The following CHRNA7 variants were observed in gnomAD, a reference collection of about 807,000 sequenced individuals.
CHRNA7 encodes the protein cholinergic receptor nicotinic alpha 7 subunit, also known as neuronal acetylcholine receptor subunit alpha-7.
CHRNA7 carries 17 observed loss-of-function variants against 48.0 expected under a neutral mutation model. The observed-to-expected ratio is 0.35, with a 90% CI of 0.24 to 0.53. The LOEUF is 0.53. CHRNA7 is among the 20% of genes least tolerant of loss of function. The pLI, the probability that CHRNA7 is intolerant of heterozygous loss-of-function variation, is 0.92. For missense variants in CHRNA7, 155 were observed against 577.7 expected, an observed-to-expected ratio of 0.27 and a Z score of 7.50; for synonymous variants, 75 against 242.3, an observed-to-expected ratio of 0.31 and a Z score of 6.41.
At chr15:32,108,431 G>T (rs1247700263) in intron 3 of CHRNA7, among the ~76,000 whole-genome samples, 3 of 152,256 alleles carry the variant, frequency 2.0e-5, no homozygotes, top group Non-Finnish European at 4.4e-5. Context: ...GTCAGGTGCT[G>T]TCTACAAAGA....
At chr15:32,072,272 G>A (rs761863461) in intron 2 of CHRNA7, among the ~76,000 whole-genome samples, 1 of 152,216 alleles carries the variant, frequency 6.6e-6, no homozygotes, top group Non-Finnish European at 1.5e-5. Flanking sequence ...AAGCAGCAAA[G>A]CATTTAAGAG....
intron 2 of CHRNA7, among the ~76,000 whole-genome samples, chr15:32,048,038 A>G (rs1258251906): frequency 2.6e-5 from 4 of 152,146 alleles, no homozygotes; most frequent in Non-Finnish European, 5.9e-5. Flanking sequence ...ATCATGGTGG[A>G]TAAGCTTTTT....
chr15:32,063,194 C>A (rs978772474), intron 2 of CHRNA7, among the ~76,000 whole-genome samples: 1 of 151,816 alleles, frequency 6.6e-6, no homozygotes, highest in African/African-American at 2.4e-5. Context: ...CTGTGTGCTA[C>A]TGTAGACTTC....
At chr15:32,137,037 A>AAAATAAAAAT (rs1555386629) in intron 4 of CHRNA7, among the ~76,000 whole-genome samples, 37 of 146,668 alleles carry the variant, frequency 2.5e-4, no homozygotes, top group African/African-American at 9.6e-4. Context: ...GTCTCAAAAA[A>AAAATAAAAAT]AAAAAAAAAG....
At chr15:32,036,607 G>A (rs964017095) in intron 2 of CHRNA7, among the ~76,000 whole-genome samples, 1 of 152,078 alleles carries the variant, frequency 6.6e-6, no homozygotes, top group Non-Finnish European at 1.5e-5. Context: ...TGTTGTCAGT[G>A]TTCTAAGTTT....
chr15:32,142,701 T>C (rs984366747), intron 4 of CHRNA7, among the ~76,000 whole-genome samples: 1 of 152,224 alleles, frequency 6.6e-6, no homozygotes, highest in Admixed American at 6.5e-5. Context: ...CTAGTTTATT[T>C]GTATAGAGGT....
At chr15:32,113,279 C>T (rs896155974) in intron 4 of CHRNA7, among the ~76,000 whole-genome samples, 1 of 152,174 alleles carries the variant, frequency 6.6e-6, no homozygotes, top group Non-Finnish European at 1.5e-5. Flanking sequence ...GCCCTAGTCT[C>T]CTCTTCCTGT....
chr15:32,071,929 A>G (rs2050064929), intron 2 of CHRNA7, among the ~76,000 whole-genome samples: 1 of 152,196 alleles, frequency 6.6e-6, no homozygotes, highest in Non-Finnish European at 1.5e-5. Flanking sequence ...GTTGCTATAA[A>G]AGATACTTGA....
At chr15:32,111,939 T>A in intron 4 of CHRNA7, 40 bp downstream of exon 4, 1 of 1,110,574 alleles carries the variant, frequency 9.0e-7, no homozygotes, top group Non-Finnish European at 1.4e-6. Flanking sequence ...ATTTTATGCT[T>A]GCATACATGT....
At chr15:32,104,554 C>A (rs1290026128) in intron 3 of CHRNA7, among the ~76,000 whole-genome samples, 2 of 152,152 alleles carry the variant, frequency 1.3e-5, no homozygotes, top group African/African-American at 4.8e-5. Context: ...TCTTCATCAC[C>A]CTTAGAATGT....
intron 4 of CHRNA7, among the ~76,000 whole-genome samples, chr15:32,137,047 G>A (rs7171979): frequency 0.56 from 67,782 of 120,690 alleles, 20,322 homozygotes; most frequent in African/African-American, 0.76. Context: ...AAAAAAAAAA[G>A]AAAAAAAAAA....
At chr15:32,051,456 G>A (rs891739693) in intron 2 of CHRNA7, among the ~76,000 whole-genome samples, 2 of 152,212 alleles carry the variant, frequency 1.3e-5, no homozygotes, top group Admixed American at 6.5e-5. Flanking sequence ...TCCGAGCCAT[G>A]TGCGGGATAT....
In CHRNA7 at chr15:32,159,757, G is replaced by GC. The variant is rs1335707635; in HGVS notation, c.880+107dup. ...AAACTAGAAGAAATAGGGCTGCACTGCCCCCATTTTCTCTGGAAGGTGATG... is the reference window on the plus strand; with the variant it reads ...AAACTAGAAGAAATAGGGCTGCACTGCCCCCCATTTTCTCTGGAAGGTGATG... On this transcript the variant is annotated intron_variant, in intron 8 of 9. Transcript: ENST00000306901. 3.5e-5 allele frequency: 18 copies of GC among 507,984 alleles called. 1 individual carries two copies. The highest frequency in any genetic ancestry group is 4.8e-5 in the Non-Finnish European group (16 of 331,698). The allele number at this position is 507,984 out of a possible 1,614,324, so 31.5% of individuals were successfully genotyped here. A position where few individuals can be genotyped will look rare whatever the true frequency, so the allele number is the denominator to read the frequency against.
chr15:32,071,607 G>A (rs1036472858), intron 2 of CHRNA7, among the ~76,000 whole-genome samples: 2 of 152,110 alleles, frequency 1.3e-5, no homozygotes, highest in African/African-American at 4.8e-5. Flanking sequence ...CCTCATGAAT[G>A]GCTTGCTACC....
At position 32,089,710 on chromosome 15, in the gene CHRNA7, G is replaced by C. The variant is rs188074010; in HGVS notation, c.196-11593G>C. Among the ~76,000 whole-genome samples the C allele has an allele frequency of 5.0e-3, 760 of 152,190 alleles. 14 individuals are homozygous for C. Among genetic ancestry groups the C allele is most frequent in the African/African-American group, 0.018 (735 of 41,526 alleles). On this transcript the variant is annotated intron_variant, in intron 2 of 9. Transcript: ENST00000306901. The stretch of plus-strand genomic sequence containing the variant: ...ATATCTAAGTCCTGTTCTGATGTTT[G>C]CTTTGTCTCTGCAGACTGTTTTTTC...
chr15:32,055,555 G>T (rs1421828538), intron 2 of CHRNA7, among the ~76,000 whole-genome samples: 1 of 152,144 alleles, frequency 6.6e-6, no homozygotes, highest in Non-Finnish European at 1.5e-5. Context: ...CCACTCCCAA[G>T]GTAACTGCAT....
chr15:32,116,940 C>T (rs193029014), intron 4 of CHRNA7, among the ~76,000 whole-genome samples: 86 of 152,304 alleles, frequency 5.6e-4, no homozygotes, highest in Middle Eastern at 3.4e-3. Flanking sequence ...TGGCTGATAG[C>T]AGAGGCTGGA....
At chr15:32,051,585 T>C (rs1408643862) in intron 2 of CHRNA7, among the ~76,000 whole-genome samples, 1 of 141,142 alleles carries the variant, frequency 7.1e-6, no homozygotes, top group Non-Finnish European at 1.6e-5. Flanking sequence ...GGGAACTCCC[T>C]GACCCCTTGC....
chr15:32,128,456 C>T lies in CHRNA7; in HGVS notation c.350+16557C>T, dbSNP rs74476341. 1.8e-3 allele frequency among the ~76,000 whole-genome samples: 273 copies of T among 151,904 alleles called. 1 individual carries two copies. Among genetic ancestry groups the T allele is most frequent in the African/African-American group, 6.4e-3 (265 of 41,522 alleles). ...TTTCAATCTTCTATGATTTTTCCATCAGTATTTTGTAGTTTTCAACATGTG... is the reference window on the plus strand; with the variant it reads ...TTTCAATCTTCTATGATTTTTCCATTAGTATTTTGTAGTTTTCAACATGTG... On this transcript the variant is annotated intron_variant, in intron 4 of 9. Coordinates refer to ENST00000306901, the MANE Select transcript of CHRNA7 (RefSeq NM_000746.6).
Sources: allele counts gnomAD v4.1 joint callset (sites outside exome capture counted in the v4.1 genomes callset), GRCh38; gene constraint gnomAD v4.1.1; transcripts MANE v1.5; gene names NCBI Gene and HGNC (gene_info 2026-07-23, HGNC 2026-07-21).